The following KIAA1549 variants were observed in gnomAD, a reference collection of about 807,000 sequenced individuals.
The protein encoded by KIAA1549 is UPF0606 protein KIAA1549.
In KIAA1549, 70 loss-of-function variants were observed where a neutral mutation model predicts 156.4. That is an observed-to-expected ratio of 0.45 (90% CI 0.37 to 0.55). The LOEUF is 0.55. Ranked by LOEUF, KIAA1549 falls within the 20% of genes least tolerant of loss-of-function variation. KIAA1549 has a pLI of 0.00. For missense variants in KIAA1549, 2,428 were observed against 2,540.9 expected (o/e 0.96, Z 0.96); for synonymous variants, 1,103 against 1,066.4 (o/e 1.03, Z -0.67).
rs1323430453 is a variant in KIAA1549 at position 138,869,752 on chromosome 7, C to T, written c.4561G>A (p.Ala1521Thr). 3 of 1,608,904 alleles carry T rather than the reference C, an allele frequency of 1.9e-6. No individual in the cohort carries two copies. The highest frequency in any genetic ancestry group is 2.2e-5 in the East Asian group (1 of 44,814). ...SNKINKEIQTALRHKSEIEHH... is the reference protein window; with the variant it reads ...SNKINKEIQTTLRHKSEIEHH... ...TCGATCTCAGACTTGTGCCGCAGCG[C>T]GGTCTGAATCTGAGGAAGGGTGAGG... The change falls in exon 14 of 20, where the codon GCG (alanine) becomes ACG (threonine). Residue 1521 changes from alanine to threonine, a missense_variant. Physicochemically the swap from Ala to Thr is moderately conservative, Grantham distance 58. Around this residue, in one of 5 missense-constraint regions of KIAA1549, gnomAD observed 404 missense variants for 417.0 expected, o/e 0.97. Transcript: ENST00000422774.
chr7:138,887,047 G>A (rs1453143284), intron 10 of KIAA1549, among the ~76,000 whole-genome samples: 11 of 151,642 alleles, frequency 7.3e-5, no homozygotes, highest in South Asian at 2.1e-4. Flanking sequence ...GACTACAGGC[G>A]TGCACCACCA....
At chr7:138,910,700 ATT>A (rs10686011) in intron 4 of KIAA1549, among the ~76,000 whole-genome samples, 2 of 112,026 alleles carry the variant, frequency 1.8e-5, no homozygotes, top group Admixed American at 9.8e-5. Context: ...ACTTGGTCTA[ATT>A]TTTTTTTTTT....
At position 138,916,604 on chromosome 7, in the gene KIAA1549, G is replaced by A. The variant is rs74928128; in HGVS notation, c.2878+144C>T. ...TAACTGTTCTGAGAACTCGCAGGAGGTAAGCATAGGAGTACTACCTGGGAG... is the reference window on the plus strand; with the variant it reads ...TAACTGTTCTGAGAACTCGCAGGAGATAAGCATAGGAGTACTACCTGGGAG... On this transcript the variant is annotated intron_variant, in intron 2 of 19. Coordinates refer to ENST00000422774, the MANE Select transcript of KIAA1549 (RefSeq NM_001164665.2). The A allele has an allele frequency of 9.5e-3, 12,543 of 1,324,764 alleles. 64 individuals carry two copies. Among genetic ancestry groups the A allele is most frequent in the Non-Finnish European group, 0.011 (11,058 of 989,578 alleles). The allele number at this position is 1,324,764 out of a possible 1,614,324, so 82.1% of individuals were successfully genotyped here.
Position 138,899,039 on chromosome 7 carries a change from T to G in KIAA1549, c.3763A>C (p.Lys1255Gln). 5 of 1,613,680 alleles carry G rather than the reference T, an allele frequency of 3.1e-6. No homozygotes were observed. Among genetic ancestry groups the G allele is most frequent in the Non-Finnish European group, 4.2e-6 (5 of 1,179,604 alleles). ...ATTTTGTTAATCAGGTCCGAAGACT[T>G]GACTGCACTGAGTCTTTCTCCATCT... is the stretch of plus-strand genomic sequence containing the variant. ...DQDGERLSAV[K>Q]SSDLINKMDL... The change falls in exon 9 of 20, where the codon AAG (lysine) becomes CAG (glutamine). Residue 1255 changes from lysine to glutamine, a missense_variant. Physicochemically the swap from Lys to Gln is moderately conservative, Grantham distance 53 (BLOSUM62 1). Coordinates refer to ENST00000422774, the MANE Select transcript of KIAA1549 (RefSeq NM_001164665.2).
At chr7:138,864,256 C>T (rs1006588406) in intron 15 of KIAA1549, among the ~76,000 whole-genome samples, 14 of 152,136 alleles carry the variant, frequency 9.2e-5, no homozygotes, top group African/African-American at 2.9e-4. Context: ...TGAGCAGAGT[C>T]CCCAGCGGCT....
chr7:138,925,156 C>T (rs1054771185), intron 1 of KIAA1549, among the ~76,000 whole-genome samples: 3 of 152,196 alleles, frequency 2.0e-5, no homozygotes, highest in African/African-American at 7.2e-5. Context: ...CAGGCCACAC[C>T]AATTCCATGA....
rs574768989 is a variant in KIAA1549 at position 138,905,413 on chromosome 7, A to G, written c.3461-332T>C. Reference sequence around the variant, plus strand: ...CCTCAGAGCCCTGGCTTTCCCAGCAAGGTCTCAGGGTAAAGTGACCACATG... The same window carrying G: ...CCTCAGAGCCCTGGCTTTCCCAGCAGGGTCTCAGGGTAAAGTGACCACATG... On this transcript the variant is annotated intron_variant, in intron 6 of 19. Coordinates refer to ENST00000422774, the MANE Select transcript of KIAA1549 (RefSeq NM_001164665.2). 2.0e-5 allele frequency among the ~76,000 whole-genome samples: 3 copies of G among 152,316 alleles called. No individual in the cohort carries two copies. The East Asian group carries it at 5.8e-4, about 29-fold the overall frequency.
chr7:138,864,328 C>T (rs1391755174), intron 15 of KIAA1549, among the ~76,000 whole-genome samples: 2 of 152,098 alleles, frequency 1.3e-5, no homozygotes, highest in Admixed American at 6.5e-5. Context: ...ACTTCTATAC[C>T]GAGAGAGATG....
chr7:138,876,312 T>C (rs537561004), intron 12 of KIAA1549: 1 of 152,256 alleles, frequency 6.6e-6, no homozygotes, highest in African/African-American at 2.4e-5. Context: ...CATTGTTATA[T>C]GTACTCAATC....
rs1812364991 is a variant in KIAA1549, at chr7:138,917,392, G to A, written c.2234C>T (p.Thr745Ile). Residue 745 changes from threonine to isoleucine, a missense_variant, in exon 2 of 20, where the codon ACC (threonine) becomes ATC (isoleucine). Thr to Ile is a moderately conservative substitution (Grantham distance 89). Around this residue, in one of 5 missense-constraint regions of KIAA1549, gnomAD observed 762 missense variants for 901.6 expected, o/e 0.85. Transcript: ENST00000422774. ...GGAGGTAGTTTCAATGAAAGCTGAG[G>A]TAAAATGAGCTTCTGAATCCGTCAG... Reference protein sequence around the residue: ...VSLTDSEAHFTSAFIETTSYL... With the variant: ...VSLTDSEAHFISAFIETTSYL... The A allele has an allele frequency of 6.2e-7, 1 of 1,613,938 alleles. No homozygotes were observed. The highest frequency in any genetic ancestry group is 8.5e-7 in the Non-Finnish European group (1 of 1,179,842).
At chr7:138,952,247 G>A (rs1226979551) in intron 1 of KIAA1549, among the ~76,000 whole-genome samples, 1 of 152,202 alleles carries the variant, frequency 6.6e-6, no homozygotes, top group African/African-American at 2.4e-5. Flanking sequence ...GGACTGACAT[G>A]TGGCAAAGCT....
At position 138,894,362 on chromosome 7, in the gene KIAA1549, T is replaced by C; in HGVS notation, c.4012A>G (p.Asn1338Asp). 1.2e-6 allele frequency: 2 copies of C among 1,614,012 alleles called. No individual in the cohort carries two copies. The highest frequency in any genetic ancestry group is 8.5e-7 in the Non-Finnish European group (1 of 1,179,878). The change falls in exon 10 of 20, where the codon AAC becomes GAC. Residue 1338 changes from asparagine to aspartate, a missense_variant. By Grantham distance (23) the Asn-to-Asp change is conservative. Around this residue, in one of 5 missense-constraint regions of KIAA1549, gnomAD observed 762 missense variants for 901.6 expected, o/e 0.85. Transcript: ENST00000422774. ...GTTACCTTCTGACGCTGCTGAATGTTGGCCACAGTGTCAGGCTGAAAGTCT... is the reference window on the plus strand; with the variant it reads ...GTTACCTTCTGACGCTGCTGAATGTCGGCCACAGTGTCAGGCTGAAAGTCT... ...KLDFQPDTVANIQQRQKLQIP... is the reference protein window; with the variant it reads ...KLDFQPDTVADIQQRQKLQIP...
Position 138,867,396 on chromosome 7 carries a change from A to T in KIAA1549, c.4929+579T>A, listed in dbSNP as rs114391962. On this transcript the variant is annotated intron_variant, in intron 15 of 19. Coordinates refer to ENST00000422774, the MANE Select transcript of KIAA1549 (RefSeq NM_001164665.2). Reference sequence around the variant, plus strand: ...ATGCTGAGACCCCATCTCTACAAAAATTTTTAAAATTAGCTGGGCATGGTG... The same window carrying T: ...ATGCTGAGACCCCATCTCTACAAAATTTTTTAAAATTAGCTGGGCATGGTG... Among the ~76,000 whole-genome samples the T allele has an allele frequency of 7.4e-3, 1,119 of 152,078 alleles. 15 individuals are homozygous for T. The highest frequency in any genetic ancestry group is 0.026 in the African/African-American group (1,069 of 41,488).
At position 138,840,235 on chromosome 7, in the gene KIAA1549, T is replaced by G; in HGVS notation, c.5496A>C (p.Arg1832Ser). The G allele has an allele frequency of 1.9e-6, 3 of 1,590,546 alleles. No homozygotes were observed. The highest frequency in any genetic ancestry group is 2.6e-6 in the Non-Finnish European group (3 of 1,168,602). Reference sequence around the variant, plus strand: ...GGATTTCCACTGGCTGAGCTCCAATTCTGCTGGCAATCCCCACCTGTGTCA... The same window carrying G: ...GGATTTCCACTGGCTGAGCTCCAATGCTGCTGGCAATCCCCACCTGTGTCA... ...QHLTQVGIAS[R>S]IGAQPVEIPP... Residue 1832 changes from arginine to serine, a missense_variant, in exon 19 of 20, where the codon AGA becomes AGC. By Grantham distance (110) the Arg-to-Ser change is moderately radical. Transcript: ENST00000422774.
At chr7:138,958,412 T>A (rs116867893) in intron 1 of KIAA1549, among the ~76,000 whole-genome samples, 1,952 of 152,362 alleles carry the variant, frequency 0.013, 15 homozygotes, top group Middle Eastern at 0.027. Flanking sequence ...AAATTCATCC[T>A]GTTGGCTATG....
intron 6 of KIAA1549, 108 bp downstream of exon 6, chr7:138,906,811 T>C: frequency 1.2e-6 from 1 of 851,352 alleles, no homozygotes; most frequent in Non-Finnish European, 1.7e-6. Context: ...GAAAAATAAT[T>C]TTTAAAAAAT....
intron 8 of KIAA1549, among the ~76,000 whole-genome samples, chr7:138,899,371 G>A (rs1584740251): frequency 6.6e-6 from 1 of 152,126 alleles, no homozygotes; most frequent in Admixed American, 6.5e-5. Context: ...TCTTTTCTGG[G>A]GCCAAGGGGC....
chr7:138,912,227 A>ACT (rs1812189913), intron 3 of KIAA1549, 145 bp downstream of exon 3: 2 of 700,432 alleles, frequency 2.9e-6, no homozygotes, highest in African/African-American at 3.5e-5. Flanking sequence ...GATCCAGAGG[A>ACT]TGAGCAGGAC....
chr7:138,866,947 C>A lies in KIAA1549; in HGVS notation c.4929+1028G>T, dbSNP rs902319825. Among the ~76,000 whole-genome samples, 7 of 151,880 alleles carry A rather than the reference C, an allele frequency of 4.6e-5. No homozygotes were observed. In the South Asian group the frequency reaches 1.5e-3, roughly 32 times the overall value. ...CCTCCCAAGTAGCTGGGATTACAGG[C>A]ATGCACCACCACGCCTGGCTAATTT... On this transcript the variant is annotated intron_variant, in intron 15 of 19. Coordinates refer to ENST00000422774, the MANE Select transcript of KIAA1549 (RefSeq NM_001164665.2).
Sources: allele counts gnomAD v4.1 joint callset (sites outside exome capture counted in the v4.1 genomes callset), GRCh38; gene constraint gnomAD v4.1.1; regional missense constraint gnomAD v4.1.1; transcripts MANE v1.5; gene names NCBI Gene and HGNC (gene_info 2026-07-23, HGNC 2026-07-21).